FSTL4: variants seen among roughly 807,000 people sequenced by gnomAD.
FSTL4 encodes the protein follistatin-related protein 4.
Under a neutral mutation model 78.2 loss-of-function variants are expected in FSTL4, and 28 were observed. The ratio of observed to expected loss-of-function variants is 0.36; its 90% confidence interval spans 0.27 to 0.49. The LOEUF is 0.49. Among genes scored for constraint, FSTL4 ranks in the 20% least tolerant of loss-of-function variants. The pLI is 0.98. For missense variants in FSTL4, 922 were observed against 1,084.9 expected, an observed-to-expected ratio of 0.85 and a Z score of 2.11; for synonymous variants, 422 against 440.5, an observed-to-expected ratio of 0.96 and a Z score of 0.53.
chr5:133,269,123 A>G (rs572122880), intron 6 of FSTL4, among the ~76,000 whole-genome samples: 63 of 144,760 alleles, frequency 4.4e-4, no homozygotes, highest in African/African-American at 1.3e-3. Flanking sequence ...CGGAGCTTGC[A>G]GTGAGCTGAG....
chr5:133,213,122 C>T (rs1750793683), intron 13 of FSTL4, among the ~76,000 whole-genome samples: 1 of 151,316 alleles, frequency 6.6e-6, no homozygotes, highest in Admixed American at 6.6e-5. Context: ...CCTGTTTCAG[C>T]CTCCCAAGTA....
chr5:133,363,356 G>A (rs1444234290), intron 4 of FSTL4, among the ~76,000 whole-genome samples: 6 of 152,044 alleles, frequency 3.9e-5, no homozygotes, highest in Non-Finnish European at 8.8e-5. Context: ...CAGGTTATGG[G>A]GGAGTCATTT....
intron 14 of FSTL4, among the ~76,000 whole-genome samples, chr5:133,203,210 C>T (rs971063658): frequency 5.3e-5 from 8 of 152,102 alleles, no homozygotes; most frequent in Non-Finnish European, 1.0e-4. Context: ...GGCCCCTGAA[C>T]GGGAATGTGA....
the FSTL4 span, among the ~76,000 whole-genome samples, chr5:133,789,115 T>A: frequency 2.0e-5 from 3 of 152,170 alleles, no homozygotes; most frequent in African/African-American, 7.2e-5. Context: ...TGGCTTGGGA[T>A]ATACAGGTAG....
chr5:133,535,222 T>C (rs1055348398), intron 3 of FSTL4, among the ~76,000 whole-genome samples: 2 of 152,132 alleles, frequency 1.3e-5, no homozygotes, highest in Admixed American at 1.3e-4. Flanking sequence ...TTTGCAGCCT[T>C]CAAAACTGTG....
At chr5:133,370,465 G>A (rs1027015130) in intron 4 of FSTL4, among the ~76,000 whole-genome samples, 5 of 152,044 alleles carry the variant, frequency 3.3e-5, no homozygotes, top group African/African-American at 7.2e-5. Context: ...CAGGAAGCCT[G>A]CTGGAGGATA....
the FSTL4 span, among the ~76,000 whole-genome samples, chr5:133,816,696 A>C: frequency 0.028 from 4,207 of 152,300 alleles, 97 homozygotes; most frequent in East Asian, 0.11. Flanking sequence ...CTGAGGGGAA[A>C]ATAACATTAT....
the FSTL4 span, among the ~76,000 whole-genome samples, chr5:133,708,359 G>A: frequency 1.3e-5 from 2 of 152,148 alleles, no homozygotes; most frequent in Non-Finnish European, 2.9e-5. Context: ...CCCGCTGTGG[G>A]TGGGTCTCTG....
At chr5:133,702,350 G>A in the FSTL4 span, among the ~76,000 whole-genome samples, 20 of 152,240 alleles carry the variant, frequency 1.3e-4, no homozygotes, top group African/African-American at 2.6e-4. Flanking sequence ...ATGGCTCCTC[G>A]GCCTGAGCAC....
At chr5:133,276,924 T>G (rs1413615176) in intron 6 of FSTL4, among the ~76,000 whole-genome samples, 3 of 152,102 alleles carry the variant, frequency 2.0e-5, no homozygotes, top group Non-Finnish European at 4.4e-5. Flanking sequence ...CAGACATAGT[T>G]TGAAGCAAGC....
chr5:133,430,102 A>G (rs1322450932), intron 3 of FSTL4, among the ~76,000 whole-genome samples: 1 of 152,236 alleles, frequency 6.6e-6, no homozygotes, highest in Non-Finnish European at 1.5e-5. Flanking sequence ...TCCTTGTCCA[A>G]GCAATTTTCA....
At chr5:133,620,204 T>A in the FSTL4 span, among the ~76,000 whole-genome samples, 28 of 152,220 alleles carry the variant, frequency 1.8e-4, no homozygotes, top group Admixed American at 3.9e-4. Context: ...TGGAATTTCA[T>A]GCTTTAAAAC....
At chr5:133,755,386 C>T in the FSTL4 span, among the ~76,000 whole-genome samples, 1 of 152,146 alleles carries the variant, frequency 6.6e-6, no homozygotes, top group Admixed American at 6.5e-5. Context: ...AATGAACCTG[C>T]CCCTCCACCT....
intron 3 of FSTL4, among the ~76,000 whole-genome samples, chr5:133,518,538 T>C (rs574438787): frequency 1.3e-5 from 2 of 152,332 alleles, no homozygotes; most frequent in South Asian, 2.1e-4. Flanking sequence ...GGGATGTGAA[T>C]TGAATAACCT....
At chr5:133,803,076 T>C in the FSTL4 span, among the ~76,000 whole-genome samples, 1 of 152,224 alleles carries the variant, frequency 6.6e-6, no homozygotes, top group East Asian at 1.9e-4. Flanking sequence ...AACAATCAGA[T>C]AGAGCAGAAC....
chr5:133,717,115 T>C, the FSTL4 span, among the ~76,000 whole-genome samples: 1 of 152,234 alleles, frequency 6.6e-6, no homozygotes, highest in African/African-American at 2.4e-5. Context: ...AGACAACTAT[T>C]CAAACTAGTT....
At chr5:133,300,112 T>C (rs533794747) in intron 6 of FSTL4, among the ~76,000 whole-genome samples, 1 of 152,186 alleles carries the variant, frequency 6.6e-6, no homozygotes, top group Non-Finnish European at 1.5e-5. Flanking sequence ...ATTCTGTAAG[T>C]GCCCTAAGCC....
At chr5:133,823,142 G>C in the FSTL4 span, among the ~76,000 whole-genome samples, 3,615 of 152,236 alleles carry the variant, frequency 0.024, 80 homozygotes, top group East Asian at 0.1. Flanking sequence ...CTTCTGGATG[G>C]GCAAGAACAA....
the FSTL4 span, among the ~76,000 whole-genome samples, chr5:133,779,171 C>T: frequency 6.6e-6 from 1 of 152,200 alleles, no homozygotes; most frequent in Non-Finnish European, 1.5e-5. Flanking sequence ...ATCCCATCTC[C>T]TTGGCTCCCC....
Sources: allele counts gnomAD v4.1 joint callset (sites outside exome capture counted in the v4.1 genomes callset), GRCh38; gene constraint gnomAD v4.1.1; transcripts MANE v1.5; gene names NCBI Gene and HGNC (gene_info 2026-07-23, HGNC 2026-07-21).